Variants in XIRP2 observed in about 807,000 individuals in gnomAD.
XIRP2 encodes the protein xin actin-binding repeat-containing protein 2.
A neutral mutation model predicts 277.0 loss-of-function variants in XIRP2; 236 were observed. That is an observed-to-expected ratio of 0.85 (90% CI 0.77 to 0.95). The LOEUF (loss-of-function observed/expected upper bound fraction) is 0.95, where lower values mean the gene tolerates loss of function less well. Ranked by LOEUF, XIRP2 falls within the 40% of genes least tolerant of loss-of-function variation. The probability of loss-of-function intolerance (pLI) is 0.00; values close to 1 mark genes in which losing one functional copy is unlikely to be tolerated. For missense variants in XIRP2, 4,640 were observed against 4,157.5 expected, an observed-to-expected ratio of 1.12 and a Z score of -3.19; for synonymous variants, 1,490 against 1,416.5, an observed-to-expected ratio of 1.05 and a Z score of -1.17.
chr2:167,087,994 A>G (rs759762607), intron 2 of XIRP2, among the ~76,000 whole-genome samples: 24 of 152,130 alleles, frequency 1.6e-4, no homozygotes, highest in Non-Finnish European at 3.4e-4. Context: ...AATTAAATTT[A>G]ATTACATAAA....
chr2:166,937,104 C>T (rs941716493), intron 2 of XIRP2, among the ~76,000 whole-genome samples: 5 of 152,086 alleles, frequency 3.3e-5, no homozygotes, highest in African/African-American at 9.6e-5. Flanking sequence ...TGCCTGATTG[C>T]CCTGGCCAGA....
intron 2 of XIRP2, among the ~76,000 whole-genome samples, chr2:166,911,643 C>G (rs1210377209): frequency 6.6e-6 from 1 of 152,094 alleles, no homozygotes; most frequent in East Asian, 1.9e-4. Flanking sequence ...TGAATTTGAT[C>G]CTGTCATTAT....
chr2:166,920,418 G>T (rs968272279), intron 2 of XIRP2, among the ~76,000 whole-genome samples: 2 of 152,126 alleles, frequency 1.3e-5, no homozygotes, highest in Non-Finnish European at 2.9e-5. Flanking sequence ...TCTCACAGCT[G>T]TGTTTCTGAT....
At chr2:167,075,554 AT>A (rs1288431749) in intron 2 of XIRP2, among the ~76,000 whole-genome samples, 1 of 152,192 alleles carries the variant, frequency 6.6e-6, no homozygotes, top group East Asian at 1.9e-4. Flanking sequence ...GTCTCTTTGG[AT>A]TTTATTTCTT....
chr2:167,168,202 A>G (rs1373892287), intron 3 of XIRP2, among the ~76,000 whole-genome samples: 25 of 152,184 alleles, frequency 1.6e-4, no homozygotes, highest in Non-Finnish European at 8.8e-5. Flanking sequence ...TAAAAATAAT[A>G]TGACTACGTG....
intron 2 of XIRP2, among the ~76,000 whole-genome samples, chr2:167,044,254 G>A (rs1017892255): frequency 6.6e-6 from 1 of 151,970 alleles, no homozygotes; most frequent in Non-Finnish European, 1.5e-5. Flanking sequence ...CCACAAACTA[G>A]ACATCAAAGT....
chr2:166,959,278 C>A (rs1271257343), intron 2 of XIRP2, among the ~76,000 whole-genome samples: 1 of 151,780 alleles, frequency 6.6e-6, no homozygotes, highest in Non-Finnish European at 1.5e-5. Flanking sequence ...GAAAAGCTGC[C>A]CCTGGAGAAA....
chr2:167,138,616 G>T (rs983908908), intron 3 of XIRP2, among the ~76,000 whole-genome samples: 2 of 152,170 alleles, frequency 1.3e-5, no homozygotes, highest in Admixed American at 6.5e-5. Flanking sequence ...TTGTTAAAAT[G>T]ATTCTAGGAA....
chr2:167,250,899 C>G lies in XIRP2; in HGVS notation c.9507C>G (p.Asn3169Lys). The G allele has an allele frequency of 1.2e-6, 2 of 1,613,224 alleles. No homozygotes were observed. Among genetic ancestry groups the G allele is most frequent in the East Asian group, 4.5e-5 (2 of 44,786 alleles). ...AAAAATCTGAAATTCACAGAGCAAA[C>G]ACTTCCCCTTCTCCACCCAGGAGTC... Reference protein sequence around the residue: ...MSQKSEIHRANTSPSPPRSRS... With the variant: ...MSQKSEIHRAKTSPSPPRSRS... Residue 3169 changes from asparagine to lysine, a missense_variant, in exon 9 of 11, where the codon AAC becomes AAG. By Grantham distance (94) the Asn-to-Lys change is moderately conservative. Transcript: ENST00000409195.
intron 2 of XIRP2, among the ~76,000 whole-genome samples, chr2:167,127,898 C>A (rs992365495): frequency 1.3e-5 from 2 of 152,152 alleles, no homozygotes; most frequent in African/African-American, 2.4e-5. Flanking sequence ...TTGGGGTCCC[C>A]CTGGGGGTTC....
At chr2:166,945,708 G>A (rs1171866800) in intron 2 of XIRP2, among the ~76,000 whole-genome samples, 3 of 83,288 alleles carry the variant, frequency 3.6e-5, no homozygotes, top group Admixed American at 2.0e-4. Flanking sequence ...TTTCACTCTT[G>A]TTGCCCAGGC....
chr2:167,095,488 A>G (rs1690277947), intron 2 of XIRP2, among the ~76,000 whole-genome samples: 1 of 152,182 alleles, frequency 6.6e-6, no homozygotes, highest in African/African-American at 2.4e-5. Flanking sequence ...GATACATTTC[A>G]TCAATACCTA....
In XIRP2 at chr2:167,008,234, A is replaced by T. The variant is rs568530236; in HGVS notation, c.408+104344A>T. 1.4e-4 allele frequency among the ~76,000 whole-genome samples: 21 copies of T among 151,060 alleles called. No homozygotes were observed. In the East Asian group the frequency reaches 2.5e-3, roughly 18 times the overall value. ...ATCTTCAGAGATCAAACAAAACAAAATTTTTTTTTCTGCTAAGAGAGATCT... is the reference window on the plus strand; with the variant it reads ...ATCTTCAGAGATCAAACAAAACAAATTTTTTTTTTCTGCTAAGAGAGATCT... On this transcript the variant is annotated intron_variant, in intron 2 of 10. Coordinates refer to ENST00000409195, the MANE Select transcript of XIRP2 (RefSeq NM_152381.6).
chr2:167,242,841 A>G lies in XIRP2; in HGVS notation c.1449A>G (p.Pro483=), dbSNP rs753106098. The part of the protein sequence containing the change: ...PELPSPPRRL[P]VPKDVYSKQR... Reference sequence around the variant, plus strand: ...TGCCCAGTCCTCCTAGAAGACTACCAGTCCCCAAAGATGTATATTCCAAGC... The same window carrying G: ...TGCCCAGTCCTCCTAGAAGACTACCGGTCCCCAAAGATGTATATTCCAAGC... The change falls in exon 9 of 11, where the codon CCA becomes CCG. Residue 483 remains proline (P), a synonymous_variant. Transcript: ENST00000409195. The G allele has an allele frequency of 3.1e-6, 5 of 1,614,186 alleles. No homozygotes were observed. Among genetic ancestry groups the G allele is most frequent in the Non-Finnish European group, 4.2e-6 (5 of 1,180,012 alleles).
chr2:166,937,455 A>G (rs1241232986), intron 2 of XIRP2, among the ~76,000 whole-genome samples: 3 of 152,188 alleles, frequency 2.0e-5, no homozygotes, highest in African/African-American at 4.8e-5. Context: ...CGACTTGGTC[A>G]TGGTGGATAA....
intron 2 of XIRP2, among the ~76,000 whole-genome samples, chr2:166,969,796 G>A (rs1178040965): frequency 6.6e-6 from 1 of 151,698 alleles, no homozygotes; most frequent in Non-Finnish European, 1.5e-5. Flanking sequence ...GCAAATGAAG[G>A]GAACAAATGT....
In XIRP2 at chr2:167,247,860, A is replaced by C. The variant is rs61748715; in HGVS notation, c.6468A>C (p.Thr2156=). ...AAAATATTAAAATATTAACTGATAC[A>C]CAAAGCTCCAAGCCCAGTCCCACCC... is the stretch of plus-strand genomic sequence containing the variant. The part of the protein sequence containing the change: ...KTKNIKILTD[T]QSSKPSPTQH... The change falls in exon 9 of 11, where the codon ACA becomes ACC. Residue 2156 remains threonine (T), a synonymous_variant. Transcript: ENST00000409195. The C allele has an allele frequency of 0.11, 178,557 of 1,613,358 alleles. 11,416 individuals carry two copies. Among genetic ancestry groups the C allele is most frequent in the African/African-American group, 0.27 (20,569 of 74,886 alleles).
At position 167,251,477 on chromosome 2, in the gene XIRP2, A is replaced by G; in HGVS notation, c.10085A>G (p.His3362Arg). Residue 3362 changes from histidine (H) to arginine (R), a missense_variant, in exon 9 of 11, where the codon CAT becomes CGT. Physicochemically the swap from His to Arg is conservative, Grantham distance 29 (BLOSUM62 0). Coordinates refer to ENST00000409195, the MANE Select transcript of XIRP2 (RefSeq NM_152381.6). ...GTTTATGCAAAGGGAGAAACAAACC[A>G]TAACATACAACAAGAAAGTCGTACA... ...RRVYAKGETN[H>R]NIQQESRTFC... 3 of 1,613,616 alleles carry G rather than the reference A, an allele frequency of 1.9e-6. No homozygotes were observed. Among genetic ancestry groups the G allele is most frequent in the Non-Finnish European group, 2.5e-6 (3 of 1,179,666 alleles).
intron 2 of XIRP2, among the ~76,000 whole-genome samples, chr2:167,011,653 G>T (rs1687682756): frequency 6.6e-6 from 1 of 151,550 alleles, no homozygotes; most frequent in Non-Finnish European, 1.5e-5. Context: ...AATGGTACCA[G>T]TTCCTCCTTG....
Sources: gnomAD v4.1 joint callset for allele counts (sites outside exome capture counted in the v4.1 genomes callset) on GRCh38, gnomAD v4.1.1 for gene constraint, MANE v1.5 for transcripts, NCBI Gene and HGNC (gene_info 2026-07-23, HGNC 2026-07-21) for gene names.